The following SMOC2 variants were observed in gnomAD, a reference collection of about 807,000 sequenced individuals.
SMOC2 encodes the protein SPARC related modular calcium binding 2, also known as SPARC-related modular calcium-binding protein 2.
SMOC2 carries 39 observed loss-of-function variants against 61.4 expected under a neutral mutation model. The observed-to-expected ratio is 0.64, with a 90% CI of 0.49 to 0.83. The LOEUF (loss-of-function observed/expected upper bound fraction) is 0.83. SMOC2 is among the 40% of genes least tolerant of loss of function. SMOC2 has a pLI of 0.00. For synonymous variants in SMOC2, 247 were observed against 239.9 expected, an observed-to-expected ratio of 1.03 and a Z score of -0.27; for missense variants, 556 against 592.9, an observed-to-expected ratio of 0.94 and a Z score of 0.65.
In SMOC2 at chr6:168,549,133, T is replaced by C; in HGVS notation, c.567T>C (p.Ile189=). The change falls in exon 7 of 13, where the codon ATT becomes ATC. Residue 189 remains isoleucine, a synonymous_variant. Coordinates refer to ENST00000356284, the MANE Select transcript of SMOC2 (RefSeq NM_001166412.2). ...TCATTTCATTTTGGTTCATAGATAT[T>C]GCATCACGTTACCCTACCCTTTGGA... is the stretch of plus-strand genomic sequence containing the variant. ...ETQPQGDEED[I]ASRYPTLWTE... 6.2e-7 allele frequency: 1 copy of C among 1,613,948 alleles called. No individual in the cohort carries two copies. Among genetic ancestry groups the C allele is most frequent in the Non-Finnish European group, 8.5e-7 (1 of 1,179,782 alleles).
intron 9 of SMOC2, among the ~76,000 whole-genome samples, chr6:168,617,277 CAA>C (rs35842770): frequency 0.16 from 24,735 of 152,072 alleles, 2,237 homozygotes; most frequent in Middle Eastern, 0.29. Flanking sequence ...GAAAGACTAA[CAA>C]ATGTCTAATT....
rs1327457839 is a variant in SMOC2 at position 168,558,913 on chromosome 6, ATGTGTGCTTGTGCGCACGTGTGTG to A, written c.637+9711_637+9734del. ...CGTGTGCATGTGTGTGCACGTGTGT[ATGTGTGCTTGTGCGCACGTGTGTG>A]CGTGTGCATGCGTGTGCATGTGTGT... On this transcript the variant is annotated intron_variant, in intron 7 of 12. Transcript: ENST00000356284. Among the ~76,000 whole-genome samples the A allele has an allele frequency of 2.0e-5, 3 of 150,018 alleles. 1 individual carries two copies. The highest frequency in any genetic ancestry group is 4.2e-4 in the South Asian group (2 of 4,712).
intron 1 of SMOC2, among the ~76,000 whole-genome samples, chr6:168,479,491 G>A (rs1782161569): frequency 6.6e-6 from 1 of 152,206 alleles, no homozygotes; most frequent in Admixed American, 6.5e-5. Flanking sequence ...AAATCTTTCT[G>A]ATGTAACTAT....
At chr6:168,518,101 C>G (rs1736516422) in intron 2 of SMOC2, among the ~76,000 whole-genome samples, 1 of 152,256 alleles carries the variant, frequency 6.6e-6, no homozygotes. Context: ...CCTGCCCGTT[C>G]CTCGGAATTC....
intron 1 of SMOC2, among the ~76,000 whole-genome samples, chr6:168,463,176 G>A (rs1410918967): frequency 2.0e-5 from 3 of 152,314 alleles, no homozygotes; most frequent in Non-Finnish European, 4.4e-5. Context: ...TGAACAAAAT[G>A]AAACACAGAA....
At chr6:168,532,711 G>C (rs771674920) in intron 4 of SMOC2, among the ~76,000 whole-genome samples, 2 of 152,142 alleles carry the variant, frequency 1.3e-5, no homozygotes, top group Non-Finnish European at 2.9e-5. Context: ...TATATAGCTT[G>C]GTTGGAGTTA....
chr6:168,464,675 A>G (rs1320603020), intron 1 of SMOC2, among the ~76,000 whole-genome samples: 1 of 152,172 alleles, frequency 6.6e-6, no homozygotes, highest in Non-Finnish European at 1.5e-5. Flanking sequence ...CAAACATATC[A>G]TGTGCCACAG....
chr6:168,518,476 A>C (rs552039816), intron 2 of SMOC2, among the ~76,000 whole-genome samples: 28 of 136,768 alleles, frequency 2.0e-4, no homozygotes, highest in Admixed American at 3.8e-4. Context: ...TGTGCCTGTG[A>C]GTGTACATAT....
intron 7 of SMOC2, among the ~76,000 whole-genome samples, chr6:168,565,238 C>A (rs562607865): frequency 6.6e-6 from 1 of 152,206 alleles, no homozygotes; most frequent in Non-Finnish European, 1.5e-5. Context: ...GCTAGGGCTG[C>A]TGTAACAAGT....
chr6:168,467,974 G>T (rs1343537729), intron 1 of SMOC2, among the ~76,000 whole-genome samples: 1 of 152,192 alleles, frequency 6.6e-6, no homozygotes, highest in African/African-American at 2.4e-5. Context: ...GTAGCAAAAA[G>T]TTATCTGCAA....
intron 1 of SMOC2, among the ~76,000 whole-genome samples, chr6:168,472,537 TAGGATGGGCAGCAGACTCTC>T (rs1423061671): frequency 6.6e-6 from 1 of 152,156 alleles, no homozygotes; most frequent in East Asian, 1.9e-4. Context: ...TTGGAGATTG[TAGGATGGGCAGCAGACTCTC>T]ATCTTTGAAT....
At chr6:168,481,879 C>T (rs1212246501) in intron 1 of SMOC2, among the ~76,000 whole-genome samples, 1 of 151,730 alleles carries the variant, frequency 6.6e-6, no homozygotes, top group East Asian at 1.9e-4. Context: ...TAACCAAAAA[C>T]TTAGGAAATG....
chr6:168,621,131 C>T (rs1264768956), intron 9 of SMOC2, among the ~76,000 whole-genome samples: 2 of 152,198 alleles, frequency 1.3e-5, no homozygotes, highest in African/African-American at 4.8e-5. Flanking sequence ...AGAGGTTTCC[C>T]TCTGACAGAG....
intron 4 of SMOC2, among the ~76,000 whole-genome samples, chr6:168,528,434 G>C (rs903334385): frequency 2.6e-5 from 4 of 152,144 alleles, no homozygotes; most frequent in African/African-American, 4.8e-5. Context: ...TATTAAGATA[G>C]TCAAAACACA....
At chr6:168,449,190 C>T (rs529933218) in intron 1 of SMOC2, among the ~76,000 whole-genome samples, 1 of 152,272 alleles carries the variant, frequency 6.6e-6, no homozygotes, top group East Asian at 1.9e-4. Context: ...CATGAATCCA[C>T]CCACACGCTT....
chr6:168,492,131 G>GT (rs1196151640), intron 1 of SMOC2, among the ~76,000 whole-genome samples: 1 of 152,160 alleles, frequency 6.6e-6, no homozygotes, highest in African/African-American at 2.4e-5. Context: ...ATTACAGGTT[G>GT]TATCTGAAGG....
At chr6:168,531,872 C>A (rs1384935697) in intron 4 of SMOC2, among the ~76,000 whole-genome samples, 1 of 152,102 alleles carries the variant, frequency 6.6e-6, no homozygotes, top group African/African-American at 2.4e-5. Flanking sequence ...ATTCTTGGGG[C>A]CTTGAATTCC....
intron 7 of SMOC2, among the ~76,000 whole-genome samples, chr6:168,574,457 A>G (rs1784748912): frequency 6.6e-6 from 1 of 152,124 alleles, no homozygotes; most frequent in Non-Finnish European, 1.5e-5. Context: ...AATCCCTGGG[A>G]GAGTGAACCT....
At chr6:168,584,965 A>G (rs1008326742) in intron 7 of SMOC2, among the ~76,000 whole-genome samples, 3 of 152,186 alleles carry the variant, frequency 2.0e-5, no homozygotes, top group African/African-American at 7.2e-5. Context: ...ACCATACATT[A>G]CATTTTTTTA....
Sources: gnomAD v4.1 joint callset for allele counts (sites outside exome capture counted in the v4.1 genomes callset) on GRCh38, gnomAD v4.1.1 for gene constraint, MANE v1.5 for transcripts, NCBI Gene and HGNC (gene_info 2026-07-23, HGNC 2026-07-21) for gene names.